TXNRD2: variants seen among roughly 807,000 people sequenced by gnomAD.
TXNRD2 encodes the protein thioredoxin reductase 2.
Under a neutral mutation model 70.8 loss-of-function variants are expected in TXNRD2, and 67 were observed. The observed-to-expected ratio is 0.95, with a 90% CI of 0.78 to 1.16. The LOEUF is 1.16. Ranked by LOEUF, TXNRD2 falls within the 50% of genes most tolerant of loss-of-function variation. The pLI, the probability that TXNRD2 is intolerant of heterozygous loss-of-function variation, is 0.00. For missense variants in TXNRD2, 644 were observed against 719.9 expected (o/e 0.89, Z 1.21); for synonymous variants, 301 against 295.8 (o/e 1.02, Z -0.18).
At chr22:19,886,766 C>T (rs756446892) in intron 11 of TXNRD2, among the ~76,000 whole-genome samples, 9 of 152,242 alleles carry the variant, frequency 5.9e-5, no homozygotes, top group Non-Finnish European at 1.0e-4. Flanking sequence ...GCTCCGTCCT[C>T]GAAGCCTTGG....
At chr22:19,893,591 C>G (rs1193846058) in intron 11 of TXNRD2, among the ~76,000 whole-genome samples, 1 of 152,228 alleles carries the variant, frequency 6.6e-6, no homozygotes, top group Non-Finnish European at 1.5e-5. Context: ...AGCCCCGGCC[C>G]AGGCCTGGGC....
intron 11 of TXNRD2, chr22:19,894,895 G>A (rs1248888516): frequency 2.1e-6 from 2 of 935,972 alleles, no homozygotes; most frequent in African/African-American, 3.4e-5. Context: ...GGCTGAGGCA[G>A]GAGAATCGCT....
rs548263700 is a variant in TXNRD2 at position 19,886,377 on chromosome 22, C to A, written c.950-2916G>T. On this transcript the variant is annotated intron_variant, in intron 11 of 17. Transcript: ENST00000400521. ...GGCAGTGGCCAGAGAAGGGCCAGAT[C>A]TCCCTGCTGGTGCTGGACAGCCAAT... Among the ~76,000 whole-genome samples the A allele has an allele frequency of 3.3e-4, 50 of 152,378 alleles. 1 individual carries two copies. The highest frequency in any genetic ancestry group is 5.8e-4 in the East Asian group (3 of 5,190).
intron 1 of TXNRD2, among the ~76,000 whole-genome samples, chr22:19,932,741 G>C (rs77648608): frequency 2.2e-3 from 330 of 152,186 alleles, no homozygotes; most frequent in African/African-American, 7.5e-3. Flanking sequence ...CCCTCCCAGA[G>C]CATCTGGAGC....
At chr22:19,892,929 C>T in intron 11 of TXNRD2, among the ~76,000 whole-genome samples, 1 of 152,218 alleles carries the variant, frequency 6.6e-6, no homozygotes, top group East Asian at 1.9e-4. Flanking sequence ...TCTACTTTTA[C>T]AACGTGGCTG....
intron 2 of TXNRD2, among the ~76,000 whole-genome samples, chr22:19,923,667 T>TCAC: frequency 2.0e-5 from 3 of 151,708 alleles, no homozygotes; most frequent in South Asian, 2.1e-4. Flanking sequence ...CCAGGTGTGG[T>TCAC]GGTGGGCGCC....
Position 19,892,683 on chromosome 22 carries a change from C to T in TXNRD2, c.949+2724G>A, listed in dbSNP as rs1601405011. 1.3e-5 allele frequency among the ~76,000 whole-genome samples: 2 copies of T among 152,274 alleles called. 1 individual carries two copies. Among genetic ancestry groups the T allele is most frequent in the Middle Eastern group, 6.8e-3 (2 of 294 alleles). On this transcript the variant is annotated intron_variant, in intron 11 of 17. Coordinates refer to ENST00000400521, the MANE Select transcript of TXNRD2 (RefSeq NM_006440.5). ...CCCTCGGTTCAATGGCAACAGCTCC[C>T]TTATGCTGTGGGTGAACGGAGGTGT...
At chr22:19,913,014 G>C (rs922230713) in intron 7 of TXNRD2, among the ~76,000 whole-genome samples, 1 of 152,212 alleles carries the variant, frequency 6.6e-6, no homozygotes, top group African/African-American at 2.4e-5. Flanking sequence ...TAGAGGCTTG[G>C]AGCAGGCGGC....
At chr22:19,915,313 T>C in intron 6 of TXNRD2, 37 bp from the exon 7 acceptor site, 1 of 1,602,074 alleles carries the variant, frequency 6.2e-7, no homozygotes, top group Non-Finnish European at 8.5e-7. Context: ...GTCAGACAGG[T>C]GCATGGTGAT....
chr22:19,883,186 C>T, intron 12 of TXNRD2, 139 bp downstream of exon 12: 1 of 1,114,300 alleles, frequency 9.0e-7, no homozygotes, highest in Non-Finnish European at 1.3e-6. Context: ...ACAGGCTGGC[C>T]CTGGGGTTTG....
rs887858049 is a variant in TXNRD2 at position 19,911,371 on chromosome 22, C to T, written c.662+6G>A. On this transcript the variant is annotated splice_donor_region_variant and intron_variant, in intron 8 of 17. Coordinates refer to ENST00000400521, the MANE Select transcript of TXNRD2 (RefSeq NM_006440.5). Reference sequence around the variant, plus strand: ...GAGGACCCCACCAAGCACGCGCAGGCCTTACGTTTTTCCAGGGGATTCCTT... The same window carrying T: ...GAGGACCCCACCAAGCACGCGCAGGTCTTACGTTTTTCCAGGGGATTCCTT... 1.1e-5 allele frequency: 18 copies of T among 1,612,674 alleles called. No homozygotes were observed. The highest frequency in any genetic ancestry group is 1.5e-5 in the Non-Finnish European group (18 of 1,178,710).
At position 19,902,723 on chromosome 22, in the gene TXNRD2, A is replaced by G. The variant is rs373921313; in HGVS notation, c.663-3655T>C. 7.7e-4 allele frequency among the ~76,000 whole-genome samples: 118 copies of G among 152,346 alleles called. No individual in the cohort carries two copies. In the South Asian group the frequency reaches 0.012, roughly 15 times the overall value. ...TGTCATGTCTTAGCCACAGGGACGC[A>G]CACAGAGAGGTGGCGGGGGCTTTGC... On this transcript the variant is annotated intron_variant, in intron 8 of 17. Transcript: ENST00000400521.
intron 3 of TXNRD2, among the ~76,000 whole-genome samples, 175 bp downstream of exon 3, chr22:19,919,368 T>G (rs1271508050): frequency 1.3e-5 from 2 of 149,776 alleles, no homozygotes; most frequent in Admixed American, 1.3e-4. Flanking sequence ...TGGCCAGAGT[T>G]GTTTTCGATA....
At chr22:19,904,924 G>A (rs1012332791) in intron 8 of TXNRD2, among the ~76,000 whole-genome samples, 9 of 152,238 alleles carry the variant, frequency 5.9e-5, no homozygotes, top group Non-Finnish European at 1.3e-4. Context: ...TTTTAAAGGC[G>A]AGTTAAAATA....
intron 12 of TXNRD2, among the ~76,000 whole-genome samples, chr22:19,882,677 TG>T (rs1938834330): frequency 6.6e-6 from 1 of 152,230 alleles, no homozygotes; most frequent in South Asian, 2.1e-4. Flanking sequence ...CAGCAGGTGC[TG>T]GACACATGCA....
chr22:19,925,025 C>T (rs1941070372), intron 2 of TXNRD2, among the ~76,000 whole-genome samples: 1 of 151,356 alleles, frequency 6.6e-6, no homozygotes, highest in Admixed American at 6.6e-5. Context: ...TGGCTCACGC[C>T]TGTAATCCCA....
In TXNRD2 at chr22:19,898,055, A is replaced by G. The variant is rs773449032; in HGVS notation, c.758T>C (p.Leu253Pro). The change falls in exon 10 of 18, where the codon CTC becomes CCC. Residue 253 changes from leucine (L) to proline (P), a missense_variant. Leu to Pro is a moderately conservative substitution (Grantham distance 98). Around this residue, in one of 3 missense-constraint regions of TXNRD2, gnomAD observed 566 missense variants for 645.0 expected, o/e 0.88. Transcript: ENST00000400521. ...CAGCACTACCTGGTCGAAGCCGCGG[A>G]GGGGGATGCTGCGCATCATGATGGT... ...DTTIMMRSIP[L>P]RGFDQQMSSM... 2.8e-5 allele frequency: 44 copies of G among 1,559,250 alleles called. No homozygotes were observed. The highest frequency in any genetic ancestry group is 4.1e-5 in the African/African-American group (3 of 73,376).
chr22:19,885,966 A>G (rs992264012), intron 11 of TXNRD2, among the ~76,000 whole-genome samples: 4 of 152,258 alleles, frequency 2.6e-5, no homozygotes, highest in African/African-American at 9.6e-5. Flanking sequence ...TCTTCCGCAC[A>G]TGCTCTGTGG....
Position 19,940,852 on chromosome 22 carries a change from C to T in TXNRD2, c.103+849G>A, listed in dbSNP as rs372399766. On this transcript the variant is annotated intron_variant, in intron 1 of 17. Coordinates refer to ENST00000400521, the MANE Select transcript of TXNRD2 (RefSeq NM_006440.5). ...TTGGGCCACCCTCCGTCCTGGAGAC[C>T]CCCAAAACCTCCATAGCACCAACTC... Among the ~76,000 whole-genome samples the T allele has an allele frequency of 1.4e-4, 22 of 152,230 alleles. No homozygotes were observed. The East Asian group carries it at 1.7e-3, about 12-fold the overall frequency.
Sources: gnomAD v4.1 joint callset for allele counts (sites outside exome capture counted in the v4.1 genomes callset) on GRCh38, gnomAD v4.1.1 for gene constraint, gnomAD v4.1.1 regional missense constraint, MANE v1.5 for transcripts, NCBI Gene and HGNC (gene_info 2026-07-23, HGNC 2026-07-21) for gene names.